Variants in SLC12A5 observed in about 807,000 individuals in gnomAD.
SLC12A5 encodes solute carrier family 12 member 5, also known as K-Cl cotransporter 2.
In SLC12A5, 18 loss-of-function variants were observed where a neutral mutation model predicts 124.0. The observed-to-expected ratio is 0.15, with a 90% CI of 0.10 to 0.22. The LOEUF (loss-of-function observed/expected upper bound fraction) is 0.22, where lower values mean the gene tolerates loss of function less well. SLC12A5 is among the 10% of genes least tolerant of loss of function. The pLI, the probability that SLC12A5 is intolerant of heterozygous loss-of-function variation, is 1.00. For missense variants in SLC12A5, 867 were observed against 1,478.7 expected (o/e 0.59, Z 6.78); for synonymous variants, 589 against 568.0 (o/e 1.04, Z -0.53).
chr20:46,041,271 G>T, intron 7 of SLC12A5, 58 bp from the exon 8 acceptor site: 1 of 1,500,616 alleles, frequency 6.7e-7, no homozygotes, highest in Non-Finnish European at 9.2e-7. Context: ...TGGCTGTATT[G>T]TGCAGCGAGG....
At chr20:46,055,090 A>G (rs2084678429) in intron 21 of SLC12A5, 67 bp downstream of exon 21, 7 of 1,176,634 alleles carry the variant, frequency 5.9e-6, no homozygotes, top group Middle Eastern at 2.1e-4. Context: ...CAGGTTTAGG[A>G]TGCCTCAGGG....
Position 46,057,129 on chromosome 20 carries a change from C to T in SLC12A5, c.3126-41C>T. 3 of 1,611,868 alleles carry T rather than the reference C, an allele frequency of 1.9e-6. No individual in the cohort carries two copies. Among genetic ancestry groups the T allele is most frequent in the Non-Finnish European group, 2.5e-6 (3 of 1,178,580 alleles). ...GCGACTGGCTCCAATCTTCTCTACC[C>T]CCCCGGCTCACGCGGTCTCCACTCC... On this transcript the variant is annotated intron_variant, in intron 24 of 25. Coordinates refer to ENST00000243964, the MANE Select transcript of SLC12A5 (RefSeq NM_020708.5). This position sits in a 1 kb window ranked among gnomAD's most constrained non-coding sequence, Gnocchi z 7.1.
rs1285511630 is a variant in SLC12A5, at chr20:46,055,147, C to G, written c.2787+124C>G. The G allele has an allele frequency of 5.8e-6, 4 of 689,120 alleles. No homozygotes were observed. The East Asian group carries it at 1.1e-4, about 19-fold the overall frequency. The allele number at this position is 689,120 out of a possible 1,614,324, so 42.7% of individuals were successfully genotyped here. A position where few individuals can be genotyped will look rare whatever the true frequency, so the allele number is the denominator to read the frequency against. On this transcript the variant is annotated intron_variant, in intron 21 of 25. Coordinates refer to ENST00000243964, the MANE Select transcript of SLC12A5 (RefSeq NM_020708.5). ...CTTCACCCTCATCTCCCTGATTCCC[C>G]CAACCACACCTCCTGAAACTGATCT...
chr20:46,029,440 G>C (rs2084425849), intron 1 of SLC12A5, 44 bp downstream of exon 1: 3 of 1,540,832 alleles, frequency 1.9e-6, no homozygotes, highest in Non-Finnish European at 2.6e-6. Context: ...GCAGCGAGGA[G>C]AGGAGGCAGC....
In SLC12A5 at chr20:46,059,399, ATTCT is replaced by A; in HGVS notation, c.*1798_*1801del. ...GAGATTCGATCAGGGGACTGGATAGATTCTTTCAGGTACTCAATCAGGAAGCTGG... is the reference window on the plus strand; with the variant it reads ...GAGATTCGATCAGGGGACTGGATAGATTCAGGTACTCAATCAGGAAGCTGG... On this transcript the variant is annotated 3_prime_UTR_variant, in exon 26 of 26. Transcript: ENST00000243964. The A allele has an allele frequency of 5.1e-6, 2 of 395,712 alleles. No individual in the cohort carries two copies. The highest frequency in any genetic ancestry group is 7.2e-5 in the East Asian group (2 of 27,962). 24.5% of individuals were successfully genotyped at this position (395,712 alleles called of 1,614,324 possible).
At chr20:46,022,454 G>C (rs1055048984) in intron 1 of SLC12A5, among the ~76,000 whole-genome samples, 1 of 151,766 alleles carries the variant, frequency 6.6e-6, no homozygotes, top group Non-Finnish European at 1.5e-5. Context: ...ACTGAGTCAG[G>C]GTTGCCGAGG....
chr20:46,034,969 G>T lies in SLC12A5; in HGVS notation c.74G>T (p.Ser25Ile), dbSNP rs2084483927. ...ANPGDGNPKE[S>I]SPFINSTDTE... is the part of the protein sequence containing the mutation. ...TCAGGTGATGGCAACCCCAAGGAAA[G>T]CAGTCCCTTCATCAACAGCACCGAC... The change falls in exon 2 of 26, where the codon AGC becomes ATC. Residue 25 changes from serine (S) to isoleucine (I), a missense_variant. By Grantham distance (142) the Ser-to-Ile change is moderately radical (BLOSUM62 -2). Coordinates refer to ENST00000243964, the MANE Select transcript of SLC12A5 (RefSeq NM_020708.5). 1.2e-6 allele frequency: 2 copies of T among 1,613,928 alleles called. No individual in the cohort carries two copies. The highest frequency in any genetic ancestry group is 1.3e-5 in the African/African-American group (1 of 74,896).
chr20:46,053,233 G>T lies in SLC12A5; in HGVS notation c.2547+107G>T. The stretch of plus-strand genomic sequence containing the variant: ...GTCAGACTCAGGGGCTCTGGCCAGG[G>T]TCAGCTTCCGTGTCCTTCCTCCCCT... On this transcript the variant is annotated intron_variant, in intron 19 of 25. Transcript: ENST00000243964. The surrounding 1 kb of genome is among the most constrained non-coding windows in gnomAD (Gnocchi z 4.7). 1 of 1,243,106 alleles carries T rather than the reference G, an allele frequency of 8.0e-7. No homozygotes were observed. Among genetic ancestry groups the T allele is most frequent in the Non-Finnish European group, 1.1e-6 (1 of 903,198 alleles). 77.0% of individuals were successfully genotyped at this position (1,243,106 alleles called of 1,614,324 possible). A position where few individuals can be genotyped will look rare whatever the true frequency, so the allele number is the denominator to read the frequency against.
upstream of SLC12A5, among the ~76,000 whole-genome samples, chr20:46,026,834 T>G (rs1349633007): frequency 6.6e-6 from 1 of 152,088 alleles, no homozygotes. Flanking sequence ...CTAGTGAAGG[T>G]GGACAGATGG....
intron 14 of SLC12A5, among the ~76,000 whole-genome samples, chr20:46,047,224 A>C (rs2084603578): frequency 6.6e-6 from 1 of 152,190 alleles, no homozygotes; most frequent in Non-Finnish European, 1.5e-5. Flanking sequence ...GTGGGGTGTC[A>C]GGAGTTGGGC....
chr20:46,024,145 G>GTGTT (rs1400814891), downstream of SLC12A5, among the ~76,000 whole-genome samples: 1 of 135,660 alleles, frequency 7.4e-6, no homozygotes, highest in Non-Finnish European at 1.7e-5. Context: ...CAGAGGCTGT[G>GTGTT]TGTGTGTGTG....
At chr20:46,033,295 A>G (rs1281218433) in intron 1 of SLC12A5, among the ~76,000 whole-genome samples, 1 of 152,160 alleles carries the variant, frequency 6.6e-6, no homozygotes, top group Non-Finnish European at 1.5e-5. Context: ...TAGGGCCTCA[A>G]TTTCACTTGG....
At chr20:46,043,975 G>T in intron 11 of SLC12A5, 42 bp downstream of exon 11, 1 of 1,530,936 alleles carries the variant, frequency 6.5e-7, no homozygotes, top group Non-Finnish European at 8.9e-7. Context: ...GGAGGGGTGG[G>T]TATAGAAGGC....
chr20:46,040,710 ATC>A, intron 7 of SLC12A5, 96 bp downstream of exon 7: 2 of 1,545,620 alleles, frequency 1.3e-6, no homozygotes, highest in Non-Finnish European at 1.8e-6. Context: ...GCCCCTCAGA[ATC>A]TCAGAGTGGT....
chr20:46,045,473 C>T lies in SLC12A5; in HGVS notation c.1569+333C>T, dbSNP rs2084586744. 6.6e-6 allele frequency among the ~76,000 whole-genome samples: 1 copy of T among 152,072 alleles called. No individual in the cohort carries two copies. The highest frequency in any genetic ancestry group is 2.4e-5 in the African/African-American group (1 of 41,396). Reference sequence around the variant, plus strand: ...TGCTCTTGGGGAAAAAATAAATGGCCCTGTTTTGGCACTGTGGTTGGTCGG... The same window carrying T: ...TGCTCTTGGGGAAAAAATAAATGGCTCTGTTTTGGCACTGTGGTTGGTCGG... On this transcript the variant is annotated intron_variant, in intron 12 of 25. Transcript: ENST00000243964. The surrounding 1 kb of genome is among the most constrained non-coding windows in gnomAD (Gnocchi z 4.9).
intron 21 of SLC12A5, among the ~76,000 whole-genome samples, chr20:46,055,682 G>T (rs1341822758): frequency 6.6e-6 from 1 of 152,096 alleles, no homozygotes; most frequent in Admixed American, 6.5e-5. Context: ...ACACATGAGG[G>T]TAATAGAACC....
At position 46,059,304 on chromosome 20, in the gene SLC12A5, C is replaced by T. The variant is rs1377306790; in HGVS notation, c.*1699C>T. On this transcript the variant is annotated 3_prime_UTR_variant, in exon 26 of 26. Transcript: ENST00000243964. Reference sequence around the variant, plus strand: ...GAGCCCAAGGCAGAGCTGGAGCTGGCGCCACCCAGACAGCGTCAGGTGTGG... The same window carrying T: ...GAGCCCAAGGCAGAGCTGGAGCTGGTGCCACCCAGACAGCGTCAGGTGTGG... 8 of 342,006 alleles carry T rather than the reference C, an allele frequency of 2.3e-5. No homozygotes were observed. The East Asian group carries it at 3.0e-4, about 13-fold the overall frequency. The allele number at this position is 342,006 out of a possible 1,614,324, so 21.2% of individuals were successfully genotyped here.
At position 46,051,476 on chromosome 20, in the gene SLC12A5, A is replaced by C. The variant is rs116727440; in HGVS notation, c.2182-199A>C. 7.7e-3 allele frequency among the ~76,000 whole-genome samples: 1,176 copies of C among 152,208 alleles called. 14 individuals carry two copies. The highest frequency in any genetic ancestry group is 0.027 in the African/African-American group (1,119 of 41,520). On this transcript the variant is annotated intron_variant, in intron 17 of 25. Coordinates refer to ENST00000243964, the MANE Select transcript of SLC12A5 (RefSeq NM_020708.5). ...TGTGGTCAGATCATGAAGAGCCTTG[A>C]TTGATCAAGAAGGAATGGGGCACAG...
chr20:46,035,690 TG>T (rs1456341574), intron 3 of SLC12A5, 86 bp from the exon 4 acceptor site: 2 of 1,498,902 alleles, frequency 1.3e-6, no homozygotes, highest in Non-Finnish European at 1.8e-6. Flanking sequence ...AAGAGGAAGG[TG>T]GGGGCAGAGA....
Sources: gnomAD v4.1 joint callset for allele counts (sites outside exome capture counted in the v4.1 genomes callset) on GRCh38, gnomAD v4.1.1 for gene constraint, Gnocchi (gnomAD v3.1) non-coding constraint, MANE v1.5 for transcripts, NCBI Gene and HGNC (gene_info 2026-07-23, HGNC 2026-07-21) for gene names.